USP21: variants seen among roughly 807,000 people sequenced by gnomAD.
USP21 encodes the protein ubiquitin specific peptidase 21, also known as ubiquitin carboxyl-terminal hydrolase 21.
Under a neutral mutation model 70.8 loss-of-function variants are expected in USP21, and 37 were observed. The observed-to-expected ratio is 0.52, with a 90% CI of 0.40 to 0.69. USP21 has a LOEUF of 0.69. Among genes scored for constraint, USP21 ranks in the 30% least tolerant of loss-of-function variants. The probability of loss-of-function intolerance (pLI) is 0.00; values close to 1 mark genes in which losing one functional copy is unlikely to be tolerated. For missense variants in USP21, 584 were observed against 740.8 expected (o/e 0.79, Z 2.46); for synonymous variants, 263 against 283.1 (o/e 0.93, Z 0.71).
In USP21 at chr1:161,160,801, C is replaced by T. The variant is rs1158710471; in HGVS notation, c.161C>T (p.Pro54Leu). 1 of 1,614,228 alleles carries T rather than the reference C, an allele frequency of 6.2e-7. No homozygotes were observed. Among genetic ancestry groups the T allele is most frequent in the East Asian group, 2.2e-5 (1 of 44,884 alleles). The change falls in exon 3 of 14, where the codon CCC becomes CTC. Residue 54 changes from proline to leucine, a missense_variant. Transcript: ENST00000368002. Reference protein sequence around the residue: ...GPNPMLRPLPPRPGLPDERLK... With the variant: ...GPNPMLRPLPLRPGLPDERLK... ...AACCCCATGTTACGACCTCTGCCTC[C>T]CCGGCCAGGTCTGCCTGATGAACGG...
chr1:161,164,364 G>C lies in USP21; in HGVS notation c.1305+114G>C. 1.5e-6 allele frequency: 2 copies of C among 1,342,812 alleles called. No individual in the cohort carries two copies. Among genetic ancestry groups the C allele is most frequent in the Non-Finnish European group, 2.1e-6 (2 of 944,888 alleles). 83.2% of individuals were successfully genotyped at this position (1,342,812 alleles called of 1,614,324 possible). A position where few individuals can be genotyped will look rare whatever the true frequency, so the allele number is the denominator to read the frequency against. On this transcript the variant is annotated intron_variant, in intron 10 of 13. Transcript: ENST00000368002. This position sits in a 1 kb window ranked among gnomAD's most constrained non-coding sequence, Gnocchi z 4.2. The stretch of plus-strand genomic sequence containing the variant: ...TGGGGAATAATATTTATGTATCTGG[G>C]TTTGTGTTGGAGTCTCAGATCTGTT...
At position 161,162,659 on chromosome 1, in the gene USP21, G is replaced by A. The variant is rs1658024168; in HGVS notation, c.826G>A (p.Glu276Lys). The A allele has an allele frequency of 6.2e-7, 1 of 1,614,134 alleles. No individual in the cohort carries two copies. The highest frequency in any genetic ancestry group is 8.5e-7 in the Non-Finnish European group (1 of 1,180,000). The change falls in exon 6 of 14, where the codon GAA (glutamate) becomes AAA (lysine). Residue 276 changes from glutamate (E) to lysine (K), a missense_variant. Coordinates refer to ENST00000368002, the MANE Select transcript of USP21 (RefSeq NM_001014443.3). This position sits in a 1 kb window ranked among gnomAD's most constrained non-coding sequence, Gnocchi z 4.1. The stretch of plus-strand genomic sequence containing the variant: ...TGCCCTCTGGCACCCTGACTCCTGC[G>A]AAGCTGTGAATCCTACTCGATTCCG... ...IGALWHPDSCEAVNPTRFRAV... is the reference protein window; with the variant it reads ...IGALWHPDSCKAVNPTRFRAV...
chr1:161,161,150 C>G lies in USP21; in HGVS notation c.510C>G (p.Phe170Leu), dbSNP rs1657897734. 1.2e-6 allele frequency: 2 copies of G among 1,613,968 alleles called. No homozygotes were observed. The highest frequency in any genetic ancestry group is 1.3e-5 in the African/African-American group (1 of 74,946). The change falls in exon 3 of 14, where the codon TTC becomes TTG. Residue 170 changes from phenylalanine to leucine, a missense_variant. This residue lies in a region of USP21 where 284 missense variants were observed against 281.0 expected (regional missense o/e 1.01). Transcript: ENST00000368002. This position sits in a 1 kb window ranked among gnomAD's most constrained non-coding sequence, Gnocchi z 4.2. ...LGGFPGPPTL[F>L]SIRTEPPASH... ...GCTTTCCTGGACCCCCTACCCTGTT[C>G]AGCATACGGACAGAGCCCCCTGCTT...
rs536378233 is a variant in USP21, at chr1:161,160,414, G to T, written c.-114G>T. The T allele has an allele frequency of 4.8e-6, 3 of 619,218 alleles. No homozygotes were observed. The African/African-American group carries it at 5.5e-5, about 11-fold the overall frequency. The allele number at this position is 619,218 out of a possible 1,614,324, so 38.4% of individuals were successfully genotyped here. ...TCGATAGATCTGGTTCCTGCCCTCAGTGCGTATACTGCTCCCCACTTTCGT... is the reference window on the plus strand; with the variant it reads ...TCGATAGATCTGGTTCCTGCCCTCATTGCGTATACTGCTCCCCACTTTCGT... On this transcript the variant is annotated 5_prime_UTR_variant, in exon 2 of 14. Transcript: ENST00000368002.
In USP21 at chr1:161,164,282, G is replaced by A; in HGVS notation, c.1305+32G>A. 1 of 1,603,092 alleles carries A rather than the reference G, an allele frequency of 6.2e-7. No individual in the cohort carries two copies. Among genetic ancestry groups the A allele is most frequent in the Non-Finnish European group, 8.5e-7 (1 of 1,170,096 alleles). Reference sequence around the variant, plus strand: ...GGAGGTTCACAAGGGATACAGTAAGGGTGGGAGACCTGGGGGGACTCCATG... The same window carrying A: ...GGAGGTTCACAAGGGATACAGTAAGAGTGGGAGACCTGGGGGGACTCCATG... On this transcript the variant is annotated intron_variant, in intron 10 of 13. Coordinates refer to ENST00000368002, the MANE Select transcript of USP21 (RefSeq NM_001014443.3). The surrounding 1 kb of genome is among the most constrained non-coding windows in gnomAD (Gnocchi z 4.2).
At position 161,164,387 on chromosome 1, in the gene USP21, G is replaced by A; in HGVS notation, c.1305+137G>A. ...GGGTTTGTGTTGGAGTCTCAGATCT[G>A]TTCTAGTACTCCTAGAGCAAAGGGG... On this transcript the variant is annotated intron_variant, in intron 10 of 13. Transcript: ENST00000368002. This position sits in a 1 kb window ranked among gnomAD's most constrained non-coding sequence, Gnocchi z 4.2. 3 of 1,309,716 alleles carry A rather than the reference G, an allele frequency of 2.3e-6. No individual in the cohort carries two copies. Among genetic ancestry groups the A allele is most frequent in the Middle Eastern group, 1.8e-4 (1 of 5,470 alleles). 81.1% of individuals were successfully genotyped at this position (1,309,716 alleles called of 1,614,324 possible).
At position 161,164,437 on chromosome 1, in the gene USP21, AT is replaced by A. The variant is rs1658304074; in HGVS notation, c.1306-96del. The A allele has an allele frequency of 2.7e-6, 4 of 1,489,172 alleles. No homozygotes were observed. Among genetic ancestry groups the A allele is most frequent in the Admixed American group, 1.7e-5 (1 of 57,964 alleles). 92.2% of individuals were successfully genotyped at this position (1,489,172 alleles called of 1,614,324 possible). A position where few individuals can be genotyped will look rare whatever the true frequency, so the allele number is the denominator to read the frequency against. On this transcript the variant is annotated intron_variant, in intron 10 of 13. Transcript: ENST00000368002. The surrounding 1 kb of genome is among the most constrained non-coding windows in gnomAD (Gnocchi z 4.2). The stretch of plus-strand genomic sequence containing the variant: ...GAGAAGCCAAGAGGATCCAGCTGTA[AT>A]GAAGAGCATACTAAATTTGTATGTG...
At position 161,164,679 on chromosome 1, in the gene USP21, T is replaced by G. The variant is rs879345722; in HGVS notation, c.1384+67T>G. On this transcript the variant is annotated intron_variant, in intron 11 of 13. Transcript: ENST00000368002. The surrounding 1 kb of genome is among the most constrained non-coding windows in gnomAD (Gnocchi z 4.2). ...CCATACATTCTCTTTCCTCCATGTT[T>G]CCAGAGAATTGAATTTTCCTTAGGA... 2.5e-6 allele frequency: 4 copies of G among 1,608,884 alleles called. No individual in the cohort carries two copies. In the African/African-American group the frequency reaches 5.4e-5, roughly 22 times the overall value.
Position 161,164,992 on chromosome 1 carries a change from C to T in USP21, c.1493-37C>T, listed in dbSNP as rs1478165641. On this transcript the variant is annotated intron_variant, in intron 12 of 13. Transcript: ENST00000368002. This position sits in a 1 kb window ranked among gnomAD's most constrained non-coding sequence, Gnocchi z 4.2. ...AGGAGCCAAAGGAGTGGGGGCACAG[C>T]TCTGATTATAGAACTTGATCATCTC... 1 of 1,613,010 alleles carries T rather than the reference C, an allele frequency of 6.2e-7. No individual in the cohort carries two copies. The highest frequency in any genetic ancestry group is 1.1e-5 in the South Asian group (1 of 91,044).
rs1041216282 is a variant in USP21, at chr1:161,160,362, C to T, written c.-162-4C>T. ...TATTTACTTTGTACCAAACACGATG[C>T]CAGGTACTGGGGATACGATGGCTGA... On this transcript the variant is annotated splice_polypyrimidine_tract_variant and splice_region_variant and intron_variant, in intron 1 of 13. Coordinates refer to ENST00000368002, the MANE Select transcript of USP21 (RefSeq NM_001014443.3). 2.9e-5 allele frequency: 15 copies of T among 514,898 alleles called. No individual in the cohort carries two copies. In the East Asian group the frequency reaches 4.6e-4, roughly 16 times the overall value. 31.9% of individuals were successfully genotyped at this position (514,898 alleles called of 1,614,324 possible). A position where few individuals can be genotyped will look rare whatever the true frequency, so the allele number is the denominator to read the frequency against.
Position 161,165,373 on chromosome 1 carries a change from G to A in USP21, c.1624G>A (p.Glu542Lys). ...YNDSRVSPVS[E>K]NQVASSEGYV... ...TTTTCCTAGTGTCTCCCCTGTCAGT[G>A]AAAACCAGGTGGCATCCAGCGAGGG... is the stretch of plus-strand genomic sequence containing the variant. The change falls in exon 14 of 14, where the codon GAA becomes AAA. Residue 542 changes from glutamate (E) to lysine (K), a missense_variant. Glu to Lys is a moderately conservative substitution (Grantham distance 56, BLOSUM62 1). This residue lies in a region of USP21 where 173 missense variants were observed against 268.2 expected (regional missense o/e 0.65). Transcript: ENST00000368002. 2 of 1,614,116 alleles carry A rather than the reference G, an allele frequency of 1.2e-6. No homozygotes were observed. The highest frequency in any genetic ancestry group is 1.7e-6 in the Non-Finnish European group (2 of 1,180,004).
chr1:161,164,308 T>G lies in USP21; in HGVS notation c.1305+58T>G, dbSNP rs1658272147. On this transcript the variant is annotated intron_variant, in intron 10 of 13. Transcript: ENST00000368002. This position sits in a 1 kb window ranked among gnomAD's most constrained non-coding sequence, Gnocchi z 4.2. ...GTGGGAGACCTGGGGGGACTCCATG[T>G]GGATAAAAGGGATTGCATGATGTCT... 6.6e-7 allele frequency: 1 copy of G among 1,520,966 alleles called. No homozygotes were observed. The highest frequency in any genetic ancestry group is 9.1e-7 in the Non-Finnish European group (1 of 1,095,846). 94.2% of individuals were successfully genotyped at this position (1,520,966 alleles called of 1,614,324 possible).
intron 8 of USP21, 48 bp downstream of exon 8, chr1:161,163,667 G>T: frequency 1.0e-6 from 1 of 986,202 alleles, no homozygotes; most frequent in South Asian, 1.3e-5. Context: ...TGTGAGGGGG[G>T]TACAGGCTTG....
chr1:161,164,388 T>C lies in USP21; in HGVS notation c.1305+138T>C. On this transcript the variant is annotated intron_variant, in intron 10 of 13. Coordinates refer to ENST00000368002, the MANE Select transcript of USP21 (RefSeq NM_001014443.3). This position sits in a 1 kb window ranked among gnomAD's most constrained non-coding sequence, Gnocchi z 4.2. ...GGTTTGTGTTGGAGTCTCAGATCTGTTCTAGTACTCCTAGAGCAAAGGGGA... is the reference window on the plus strand; with the variant it reads ...GGTTTGTGTTGGAGTCTCAGATCTGCTCTAGTACTCCTAGAGCAAAGGGGA... 1.5e-6 allele frequency: 2 copies of C among 1,292,898 alleles called. No individual in the cohort carries two copies. Among genetic ancestry groups the C allele is most frequent in the Non-Finnish European group, 2.2e-6 (2 of 902,300 alleles). The allele number at this position is 1,292,898 out of a possible 1,614,324, so 80.1% of individuals were successfully genotyped here. A position where few individuals can be genotyped will look rare whatever the true frequency, so the allele number is the denominator to read the frequency against.
In USP21 at chr1:161,160,925, C is replaced by T. The variant is rs1454777466; in HGVS notation, c.285C>T (p.Pro95=). 1 of 1,614,272 alleles carries T rather than the reference C, an allele frequency of 6.2e-7. No individual in the cohort carries two copies. The highest frequency in any genetic ancestry group is 2.2e-5 in the East Asian group (1 of 44,888). ...DHGVPLPGSP[P]PTVALPLPSR... ...GGGTTCCCCTGCCTGGCTCACCACCCCCAACAGTGGCTTTGCCTCTCCCAT... is the reference window on the plus strand; with the variant it reads ...GGGTTCCCCTGCCTGGCTCACCACCTCCAACAGTGGCTTTGCCTCTCCCAT... Residue 95 remains proline, a synonymous_variant, in exon 3 of 14, where the codon CCC becomes CCT. Transcript: ENST00000368002.
In USP21 at chr1:161,161,585, G is replaced by A. The variant is rs2101804719; in HGVS notation, c.600+345G>A. The A allele has an allele frequency of 2.7e-6, 1 of 375,770 alleles. No individual in the cohort carries two copies. The highest frequency in any genetic ancestry group is 4.0e-5 in the South Asian group (1 of 24,996). The allele number at this position is 375,770 out of a possible 1,614,324, so 23.3% of individuals were successfully genotyped here. A position where few individuals can be genotyped will look rare whatever the true frequency, so the allele number is the denominator to read the frequency against. On this transcript the variant is annotated intron_variant, in intron 3 of 13. Coordinates refer to ENST00000368002, the MANE Select transcript of USP21 (RefSeq NM_001014443.3). This position sits in a 1 kb window ranked among gnomAD's most constrained non-coding sequence, Gnocchi z 4.2. ...AATCTCTGGAGCTAAAGAGAGGCAG[G>A]CACAGAACATCTTAGCAAACGTGGT... is the stretch of plus-strand genomic sequence containing the variant.
Position 161,164,858 on chromosome 1 carries a change from C to T in USP21, c.1408C>T (p.Arg470Ter), listed in dbSNP as rs1658400208. The change falls in exon 12 of 14, where the codon CGA (arginine) becomes TGA (stop). Residue 470 changes from arginine to a stop codon, truncating the protein, a stop_gained. Coordinates refer to ENST00000368002, the MANE Select transcript of USP21 (RefSeq NM_001014443.3). LOFTEE classifies it high-confidence loss of function. The surrounding 1 kb of genome is among the most constrained non-coding windows in gnomAD (Gnocchi z 4.2). ...AGATCTGAATCGATTTTCTGCCTCC[C>T]GAGGCTCCATCAAAAAAAGTTCAGT... ...VLHLNRFSAS[R>*]GSIKKSSVGV... 3.7e-6 allele frequency: 6 copies of T among 1,613,944 alleles called. No homozygotes were observed. The highest frequency in any genetic ancestry group is 5.1e-6 in the Non-Finnish European group (6 of 1,179,896).
intron 1 of USP21, among the ~76,000 whole-genome samples, chr1:161,160,014 G>C (rs920835890): frequency 2.6e-5 from 4 of 152,320 alleles, no homozygotes; most frequent in African/African-American, 9.6e-5. Flanking sequence ...GGTCGGAGGT[G>C]GGGGAGGGAA....
Position 161,163,679 on chromosome 1 carries a change from G to A in USP21, c.1114+60G>A. ...GTGTGTGAGGGGGGTACAGGCTTGGGGGGAAAAATCGATACTATCAAGGGG... is the reference window on the plus strand; with the variant it reads ...GTGTGTGAGGGGGGTACAGGCTTGGAGGGAAAAATCGATACTATCAAGGGG... On this transcript the variant is annotated intron_variant, in intron 8 of 13. Coordinates refer to ENST00000368002, the MANE Select transcript of USP21 (RefSeq NM_001014443.3). 2.8e-6 allele frequency: 4 copies of A among 1,442,066 alleles called. No individual in the cohort carries two copies. In the South Asian group the frequency reaches 3.4e-5, roughly 12 times the overall value. 89.3% of individuals were successfully genotyped at this position (1,442,066 alleles called of 1,614,324 possible).
Sources: gnomAD v4.1 joint callset for allele counts (sites outside exome capture counted in the v4.1 genomes callset) on GRCh38, gnomAD v4.1.1 for gene constraint, gnomAD v4.1.1 regional missense constraint, Gnocchi (gnomAD v3.1) non-coding constraint, MANE v1.5 for transcripts, NCBI Gene and HGNC (gene_info 2026-07-23, HGNC 2026-07-21) for gene names.